The following ZNF730 variants were observed in gnomAD, a reference collection of about 807,000 sequenced individuals.
ZNF730 encodes putative zinc finger protein 730.
ZNF730 carries 12 observed loss-of-function variants against 12.6 expected under a neutral mutation model. The observed-to-expected ratio is 0.95, with a 90% confidence interval of 0.61 to 1.54. The LOEUF (loss-of-function observed/expected upper bound fraction) is 1.54. Ranked by LOEUF, ZNF730 falls within the 40% of genes most tolerant of loss-of-function variation. The pLI is 0.00. For synonymous variants in ZNF730, 194 were observed against 195.8 expected (o/e 0.99, Z 0.08); for missense variants, 643 against 583.5 (o/e 1.10, Z -1.05).
intron 1 of ZNF730, among the ~76,000 whole-genome samples, chr19:23,102,117 C>G (rs2145540104): frequency 6.6e-6 from 1 of 152,266 alleles, no homozygotes; most frequent in East Asian, 1.9e-4. Flanking sequence ...GGAAATGTGA[C>G]TCCGTTTTTG....
chr19:23,112,980 T>G (rs1048000382), upstream of ZNF730, among the ~76,000 whole-genome samples: 1 of 152,134 alleles, frequency 6.6e-6, no homozygotes, highest in African/African-American at 2.4e-5. Flanking sequence ...ATGTATCCCC[T>G]ATCATAGGGC....
chr19:23,124,266 G>A (rs1326901274), intron 1 of ZNF730, among the ~76,000 whole-genome samples: 2 of 152,184 alleles, frequency 1.3e-5, no homozygotes, highest in East Asian at 1.9e-4. Context: ...GAGAGGTTCC[G>A]AGAGTAAATA....
intron 1 of ZNF730, 124 bp from the exon 2 acceptor site, chr19:23,133,956 A>T: frequency 9.1e-7 from 1 of 1,093,276 alleles, no homozygotes; most frequent in Non-Finnish European, 1.3e-6. Flanking sequence ...GAAGGTTATT[A>T]GATAATTTCA....
intron 1 of ZNF730, among the ~76,000 whole-genome samples, chr19:23,076,165 T>C (rs2145417976): frequency 6.6e-6 from 1 of 152,318 alleles, no homozygotes; most frequent in African/African-American, 2.4e-5. Flanking sequence ...ACTTCCCCTG[T>C]CCAGTTTACG....
rs1449808485 is a variant in ZNF730, at chr19:23,134,091, A to G, written c.15A>G (p.Thr5=). 1 of 1,613,374 alleles carries G rather than the reference A, an allele frequency of 6.2e-7. No homozygotes were observed. Among genetic ancestry groups the G allele is most frequent in the African/African-American group, 1.3e-5 (1 of 75,038 alleles). MGAL[T]FRDVAIEFSL... ...TTTGTGTTTTTCAGGGAGCGTTGAC[A>G]TTTAGAGATGTGGCCATAGAATTCT... is the stretch of plus-strand genomic sequence containing the variant. Residue 5 remains threonine, a synonymous_variant, in exon 2 of 4, where the codon ACA becomes ACG. Coordinates refer to ENST00000597761, the MANE Select transcript of ZNF730 (RefSeq NM_001277403.2).
At chr19:23,138,297 A>AG (rs1460280857) in intron 3 of ZNF730, among the ~76,000 whole-genome samples, 2 of 15,206 alleles carry the variant, frequency 1.3e-4, no homozygotes, top group Non-Finnish European at 4.4e-4. Flanking sequence ...AAAAAAAAAA[A>AG]AAAAAAGAAA....
upstream of ZNF730, among the ~76,000 whole-genome samples, chr19:23,113,219 C>A (rs867964906): frequency 1.6e-4 from 24 of 152,098 alleles, no homozygotes; most frequent in Non-Finnish European, 2.6e-4. Flanking sequence ...TAGACTATAG[C>A]TAATTATTTG....
intron 1 of ZNF730, among the ~76,000 whole-genome samples, chr19:23,124,813 A>C (rs2145621161): frequency 6.6e-6 from 1 of 152,316 alleles, no homozygotes; most frequent in Non-Finnish European, 1.5e-5. Flanking sequence ...TTCATTTCAT[A>C]TTATCATTAG....
intron 1 of ZNF730, among the ~76,000 whole-genome samples, chr19:23,093,245 G>A (rs1970187527): frequency 6.6e-6 from 1 of 152,212 alleles, no homozygotes; most frequent in African/African-American, 2.4e-5. Context: ...CAAAGTGCTA[G>A]GATTACAGGC....
chr19:23,110,728 A>G (rs867315170), intron 1 of ZNF730, among the ~76,000 whole-genome samples: 26 of 152,236 alleles, frequency 1.7e-4, no homozygotes, highest in Middle Eastern at 3.2e-3. Flanking sequence ...TAGGTTTCTG[A>G]TCAGTTTGGG....
chr19:23,141,708 A>C (rs1970923474), intron 3 of ZNF730, among the ~76,000 whole-genome samples: 1 of 152,128 alleles, frequency 6.6e-6, no homozygotes, highest in Non-Finnish European at 1.5e-5. Flanking sequence ...CATATAAAGT[A>C]ATTTATACAA....
At chr19:23,080,847 CT>C (rs552923947) in intron 1 of ZNF730, among the ~76,000 whole-genome samples, 22,980 of 124,546 alleles carry the variant, frequency 0.18, 1,941 homozygotes, top group African/African-American at 0.39. Flanking sequence ...TTTTTCTTTT[CT>C]TTTTTTTTTT....
chr19:23,118,625 G>T (rs948082658), intron 1 of ZNF730, among the ~76,000 whole-genome samples: 2 of 152,164 alleles, frequency 1.3e-5, no homozygotes, highest in Non-Finnish European at 1.5e-5. Context: ...TCTTTGAAAA[G>T]CTAACCACTT....
At chr19:23,114,305 C>CTTTTTT (rs869304180), upstream of ZNF730, among the ~76,000 whole-genome samples, 30 of 103,506 alleles carry the variant, frequency 2.9e-4, 3 homozygotes, top group Admixed American at 5.2e-4. Context: ...TTTTTCTTTT[C>CTTTTTT]TTTTTTTTTT....
intron 3 of ZNF730, among the ~76,000 whole-genome samples, chr19:23,143,099 C>G (rs1438978963): frequency 1.3e-5 from 2 of 152,084 alleles, no homozygotes; most frequent in Non-Finnish European, 2.9e-5. Flanking sequence ...AAAAAATTAG[C>G]CGGGCGTGGT....
intron 1 of ZNF730, among the ~76,000 whole-genome samples, chr19:23,097,165 C>A (rs941217737): frequency 6.6e-6 from 1 of 152,162 alleles, no homozygotes; most frequent in Non-Finnish European, 1.5e-5. Context: ...AAAGTATTGT[C>A]ACATATCACT....
chr19:23,094,448 A>T (rs2145501745), intron 1 of ZNF730, among the ~76,000 whole-genome samples: 1 of 150,322 alleles, frequency 6.7e-6, no homozygotes. Context: ...GGTAGGTGGT[A>T]GGTAGGTAGG....
At chr19:23,119,769 A>T (rs1344888335) in intron 1 of ZNF730, among the ~76,000 whole-genome samples, 2 of 152,142 alleles carry the variant, frequency 1.3e-5, no homozygotes, top group African/African-American at 4.8e-5. Context: ...GTGAGCCAAG[A>T]TCGCGCCACT....
intron 1 of ZNF730, chr19:23,126,818 C>A: frequency 1.8e-6 from 1 of 540,732 alleles, no homozygotes; most frequent in Non-Finnish European, 3.7e-6. Flanking sequence ...TTGCTTTATC[C>A]AGTGCTATAT....
Sources: gnomAD v4.1 joint callset for allele counts (sites outside exome capture counted in the v4.1 genomes callset) on GRCh38, gnomAD v4.1.1 for gene constraint, MANE v1.5 for transcripts, NCBI Gene and HGNC (gene_info 2026-07-23, HGNC 2026-07-21) for gene names.